Variants in SANBR observed in about 807,000 individuals in gnomAD.
SANBR encodes the protein SANT and BTB domain regulator of class switch recombination.
Under a neutral mutation model 101.8 loss-of-function variants are expected in SANBR, and 77 were observed. The observed-to-expected ratio is 0.76, with a 90% CI of 0.63 to 0.91. The LOEUF (loss-of-function observed/expected upper bound fraction) is 0.91. Ranked by LOEUF, SANBR falls within the 40% of genes least tolerant of loss-of-function variation. The probability of loss-of-function intolerance (pLI) is 0.00; values close to 1 mark genes in which losing one functional copy is unlikely to be tolerated. For synonymous variants in SANBR, 279 were observed against 274.7 expected, an observed-to-expected ratio of 1.02 and a Z score of -0.15; for missense variants, 875 against 853.0, an observed-to-expected ratio of 1.03 and a Z score of -0.32.
chr2:61,073,920 C>T lies in SANBR; in HGVS notation c.431+369C>T, dbSNP rs539293085. Among the ~76,000 whole-genome samples, 223 of 152,100 alleles carry T rather than the reference C, an allele frequency of 1.5e-3. 1 individual carries two copies. The highest frequency in any genetic ancestry group is 5.1e-3 in the African/African-American group (213 of 41,464). On this transcript the variant is annotated intron_variant, in intron 5 of 21. Coordinates refer to ENST00000402291, the MANE Select transcript of SANBR (RefSeq NM_001129993.3). Reference sequence around the variant, plus strand: ...TTAGGACTATTTGAACATAATAACTCATTATAGAAAATTTTAGAATTAAAA... The same window carrying T: ...TTAGGACTATTTGAACATAATAACTTATTATAGAAAATTTTAGAATTAAAA...
Position 61,081,524 on chromosome 2 carries a change from T to A in SANBR, c.729+14T>A. On this transcript the variant is annotated intron_variant, in intron 7 of 21. Transcript: ENST00000402291. ...ATGGATTCACTAGTAAGTATTGACT[T>A]AAAAAAAATCAAAGTGCTTCTGTTC... is the stretch of plus-strand genomic sequence containing the variant. The A allele has an allele frequency of 6.5e-7, 1 of 1,533,788 alleles. No individual in the cohort carries two copies. The highest frequency in any genetic ancestry group is 1.3e-5 in the South Asian group (1 of 77,878).
intron 1 of SANBR, 100 bp downstream of exon 1, chr2:61,066,127 C>A (rs140838031): frequency 0.063 from 9,544 of 152,252 alleles, 1,046 homozygotes; most frequent in African/African-American, 0.22. Context: ...CCGCGGCTTC[C>A]CACCCCGGGC....
chr2:61,092,698 C>CT, intron 11 of SANBR, 111 bp downstream of exon 11: 1 of 908,828 alleles, frequency 1.1e-6, no homozygotes, highest in East Asian at 2.9e-5. Flanking sequence ...TATCCAACAT[C>CT]TTTTTAAAGA....
At chr2:61,074,729 T>C (rs1681668493) in intron 5 of SANBR, among the ~76,000 whole-genome samples, 1 of 152,162 alleles carries the variant, frequency 6.6e-6, no homozygotes, top group Non-Finnish European at 1.5e-5. Flanking sequence ...TTTAACTGAT[T>C]GGTTGGTTTG....
At chr2:61,100,621 A>G (rs1683237428) in intron 12 of SANBR, among the ~76,000 whole-genome samples, 1 of 152,202 alleles carries the variant, frequency 6.6e-6, no homozygotes, top group Non-Finnish European at 1.5e-5. Context: ...TGTTTTTGTC[A>G]TTTAGATGAT....
chr2:61,118,185 G>T, intron 20 of SANBR, 69 bp downstream of exon 20: 2 of 994,514 alleles, frequency 2.0e-6, no homozygotes, highest in Non-Finnish European at 3.0e-6. Flanking sequence ...TTCAGCTTAG[G>T]ATTATAAAGA....
intron 12 of SANBR, among the ~76,000 whole-genome samples, chr2:61,100,828 T>G (rs1425633979): frequency 1.3e-5 from 2 of 152,174 alleles, no homozygotes; most frequent in Non-Finnish European, 2.9e-5. Context: ...CACTGGAGAT[T>G]GGCAGTCATA....
intron 14 of SANBR, 60 bp downstream of exon 14, chr2:61,106,722 T>G: frequency 1.9e-6 from 2 of 1,037,572 alleles, no homozygotes; most frequent in East Asian, 2.5e-5. Context: ...CATTTAATCT[T>G]TGACAGGAAC....
chr2:61,136,905 G>A (rs576812133), intron 21 of SANBR, among the ~76,000 whole-genome samples: 1 of 151,622 alleles, frequency 6.6e-6, no homozygotes, highest in Non-Finnish European at 1.5e-5. Flanking sequence ...GGGAGGCGAA[G>A]GTTGCAGTGA....
At chr2:61,127,437 T>G (rs886924178), downstream of SANBR, among the ~76,000 whole-genome samples, 1 of 152,172 alleles carries the variant, frequency 6.6e-6, no homozygotes, top group Non-Finnish European at 1.5e-5. Flanking sequence ...TCTGCTGAAA[T>G]CTGGGTAGCT....
Position 61,077,076 on chromosome 2 carries a change from C to A in SANBR, c.588C>A (p.Cys196Ter). The A allele has an allele frequency of 6.2e-7, 1 of 1,613,918 alleles. No homozygotes were observed. The highest frequency in any genetic ancestry group is 8.5e-7 in the Non-Finnish European group (1 of 1,179,886). Reference sequence around the variant, plus strand: ...AAGAGGTGGACATTTCAGTTCATTGCGACGTTCACATTTTCAACTGGTTGA... The same window carrying A: ...AAGAGGTGGACATTTCAGTTCATTGAGACGTTCACATTTTCAACTGGTTGA... ...RWEEVDISVHCDVHIFNWLIK... is the reference protein window; with the variant it reads ...RWEEVDISVH Residue 196 changes from cysteine to a stop codon, truncating the protein, a stop_gained, in exon 6 of 22, where the codon TGC becomes TGA. Transcript: ENST00000402291. LOFTEE classifies it high-confidence loss of function.
At chr2:61,090,718 T>TTGTGTGTGTGTGTGTGTGTGTGTGTG (rs58195165) in intron 10 of SANBR, 8 of 143,140 alleles carry the variant, frequency 5.6e-5, no homozygotes, top group African/African-American at 1.8e-4. Context: ...GGCACAGGGT[T>TTGTGTGTGTGTGTGTGTGTGTGTGTG]TGTGTGTGTG....
chr2:61,071,425 C>G (rs1681462136), intron 3 of SANBR, among the ~76,000 whole-genome samples, 181 bp from the exon 4 acceptor site: 1 of 151,938 alleles, frequency 6.6e-6, no homozygotes, highest in South Asian at 2.1e-4. Flanking sequence ...TGGCAGGCAC[C>G]TGTAATCCCA....
chr2:61,066,608 C>G (rs1257830605), intron 1 of SANBR: 2 of 152,722 alleles, frequency 1.3e-5, no homozygotes, highest in Admixed American at 1.3e-4. Flanking sequence ...CCGCCGCCCT[C>G]TGTTAGGCCA....
chr2:61,130,242 A>G (rs535381158), intron 20 of SANBR, among the ~76,000 whole-genome samples: 1 of 152,232 alleles, frequency 6.6e-6, no homozygotes, highest in African/African-American at 2.4e-5. Flanking sequence ...CCAGGCAACA[A>G]CTGGGATTAC....
chr2:61,106,100 A>G (rs946162148), intron 13 of SANBR, among the ~76,000 whole-genome samples: 1 of 152,058 alleles, frequency 6.6e-6, no homozygotes, highest in Non-Finnish European at 1.5e-5. Flanking sequence ...GAATTAAGAA[A>G]TGTCATCGTT....
At chr2:61,089,184 C>G (rs1056715006) in intron 10 of SANBR, 9 of 985,118 alleles carry the variant, frequency 9.1e-6, no homozygotes, top group Non-Finnish European at 1.1e-5. Context: ...GATTTTCTGT[C>G]ATCTATTTGT....
intron 21 of SANBR, chr2:61,121,676 T>C (rs1684336741): frequency 1.2e-5 from 2 of 172,264 alleles, no homozygotes; most frequent in Non-Finnish European, 1.2e-5. Flanking sequence ...CTGATGGGTC[T>C]TATGTCATTT....
intron 8 of SANBR, among the ~76,000 whole-genome samples, chr2:61,087,627 G>A (rs1333998917): frequency 2.0e-5 from 3 of 152,002 alleles, no homozygotes; most frequent in South Asian, 4.2e-4. Context: ...TGAGGTGGGC[G>A]GATCATGAGG....
Sources: gnomAD v4.1 joint callset for allele counts (sites outside exome capture counted in the v4.1 genomes callset) on GRCh38, gnomAD v4.1.1 for gene constraint, MANE v1.5 for transcripts, NCBI Gene and HGNC (gene_info 2026-07-23, HGNC 2026-07-21) for gene names.